The following PSMD7 variants were observed in gnomAD, a reference collection of about 807,000 sequenced individuals.
PSMD7 encodes proteasome 26S subunit, non-ATPase 7.
PSMD7 carries 13 observed loss-of-function variants against 36.4 expected under a neutral mutation model. The ratio of observed to expected loss-of-function variants is 0.36; its 90% CI spans 0.23 to 0.57. The LOEUF is 0.57. Ranked by LOEUF, PSMD7 falls within the 20% of genes least tolerant of loss-of-function variation. PSMD7 has a pLI of 0.83. For synonymous variants in PSMD7, 186 were observed against 151.0 expected (o/e 1.23, Z -1.70); for missense variants, 298 against 393.6 (o/e 0.76, Z 2.06).
rs1396189986 is a variant in PSMD7, at chr16:74,305,652, G to A, written c.894G>A (p.Lys298=). 1 of 1,557,044 alleles carries A rather than the reference G, an allele frequency of 6.4e-7. No homozygotes were observed. Among genetic ancestry groups the A allele is most frequent in the East Asian group, 2.3e-5 (1 of 43,910 alleles). The change falls in exon 7 of 7, where the codon AAG becomes AAA. Residue 298 remains lysine (K), a synonymous_variant. Transcript: ENST00000219313. ...GGCAGGAGAAAGAAGAGAGCAAAAAGGATAGGAAAGAGGACAAGGAGAAAG... is the reference window on the plus strand; with the variant it reads ...GGCAGGAGAAAGAAGAGAGCAAAAAAGATAGGAAAGAGGACAAGGAGAAAG... ...KEGQEKEESK[K]DRKEDKEKDK...
At position 74,301,652 on chromosome 16, in the gene PSMD7, C is replaced by G. The variant is rs756550965; in HGVS notation, c.357C>G (p.Ser119=). The change falls in exon 4 of 7, where the codon TCC becomes TCG. Residue 119 remains serine (S), a splice_region_variant and synonymous_variant. Coordinates refer to ENST00000219313, the MANE Select transcript of PSMD7 (RefSeq NM_002811.5). The stretch of plus-strand genomic sequence containing the variant: ...TCATGAAAAGATACTGTCCTAATTC[C>G]GTAAGTGGTGTCTATTTTTAAAACT... ...NELMKRYCPN[S]VLVIIDVKPK... is the part of the protein sequence containing the mutation. 6.2e-7 allele frequency: 1 copy of G among 1,605,126 alleles called. No individual in the cohort carries two copies. The highest frequency in any genetic ancestry group is 8.5e-7 in the Non-Finnish European group (1 of 1,172,546).
At chr16:74,301,026 AAACT>A (rs745915653) in intron 2 of PSMD7, 22 bp from the exon 3 acceptor site, 26 of 1,517,138 alleles carry the variant, frequency 1.7e-5, no homozygotes, top group Non-Finnish European at 2.2e-5. Flanking sequence ...CAAGCACCCT[AAACT>A]AACTTTTTTT....
Position 74,304,284 on chromosome 16 carries a change from G to T in PSMD7, c.439-19G>T, listed in dbSNP as rs1206436769. 4.4e-6 allele frequency: 7 copies of T among 1,605,114 alleles called. No homozygotes were observed. The highest frequency in any genetic ancestry group is 3.3e-4 in the Middle Eastern group (2 of 6,070). ...CGTTTGTGGAAAATAAATAATTATAGTTAGGCTTCCTCTCCCAGGATGGAA... is the reference window on the plus strand; with the variant it reads ...CGTTTGTGGAAAATAAATAATTATATTTAGGCTTCCTCTCCCAGGATGGAA... On this transcript the variant is annotated intron_variant, in intron 5 of 6. Transcript: ENST00000219313.
intron 3 of PSMD7, 58 bp from the exon 4 acceptor site, chr16:74,301,497 G>C: frequency 1.6e-6 from 2 of 1,261,516 alleles, no homozygotes; most frequent in Admixed American, 3.8e-5. Context: ...TCCTTTTTGA[G>C]GGAGTTGTAT....
In PSMD7 at chr16:74,301,925, G is replaced by T. The variant is rs190845927; in HGVS notation, c.357+273G>T. 1.5e-4 allele frequency among the ~76,000 whole-genome samples: 23 copies of T among 152,248 alleles called. No homozygotes were observed. The East Asian group carries it at 3.5e-3, about 23-fold the overall frequency. On this transcript the variant is annotated intron_variant, in intron 4 of 6. Coordinates refer to ENST00000219313, the MANE Select transcript of PSMD7 (RefSeq NM_002811.5). The stretch of plus-strand genomic sequence containing the variant: ...AATGAGAAAACTGAGGTTCAGAATG[G>T]TTAGGAAGGTCTGGTAAGGGGTGGG...
intron 1 of PSMD7, among the ~76,000 whole-genome samples, chr16:74,298,708 A>G (rs1018280776): frequency 6.6e-6 from 1 of 152,090 alleles, no homozygotes; most frequent in Non-Finnish European, 1.5e-5. Flanking sequence ...ACCAAAAAAA[A>G]AACAAAAAAA....
Position 74,305,542 on chromosome 16 carries a change from T to C in PSMD7, c.784T>C (p.Leu262=). ...CAATGACCAGATGGTGGTAGTGTAC[T>C]TGGCCTCGCTGATCCGTTCCGTGGT... ...KTNDQMVVVY[L]ASLIRSVVAL... is the part of the protein sequence containing the mutation. Residue 262 remains leucine (L), a synonymous_variant, in exon 7 of 7, where the codon TTG becomes CTG. Coordinates refer to ENST00000219313, the MANE Select transcript of PSMD7 (RefSeq NM_002811.5). 2 of 1,614,042 alleles carry C rather than the reference T, an allele frequency of 1.2e-6. No individual in the cohort carries two copies. The highest frequency in any genetic ancestry group is 1.7e-6 in the Non-Finnish European group (2 of 1,179,964).
At chr16:74,301,198 G>T in intron 3 of PSMD7, 54 bp downstream of exon 3, 2 of 1,240,380 alleles carry the variant, frequency 1.6e-6, no homozygotes, top group Non-Finnish European at 2.3e-6. Flanking sequence ...GTGTGTATGG[G>T]GGTCTTCTGT....
chr16:74,305,956 AG>A lies in PSMD7; in HGVS notation c.*224del. 1 of 384,728 alleles carries A rather than the reference AG, an allele frequency of 2.6e-6. No homozygotes were observed. Among genetic ancestry groups the A allele is most frequent in the Non-Finnish European group, 4.5e-6 (1 of 222,294 alleles). The allele number at this position is 384,728 out of a possible 1,614,324, so 23.8% of individuals were successfully genotyped here. A position where few individuals can be genotyped will look rare whatever the true frequency, so the allele number is the denominator to read the frequency against. ...CGCTGCTGTGAGTTGGGGATATGAT[AG>A]TCAGCTCAGGCTTCAGATTGTATGA... On this transcript the variant is annotated 3_prime_UTR_variant, in exon 7 of 7. Coordinates refer to ENST00000219313, the MANE Select transcript of PSMD7 (RefSeq NM_002811.5).
chr16:74,297,900 T>G lies in PSMD7; in HGVS notation c.74+912T>G, dbSNP rs2034126085. 9.9e-5 allele frequency among the ~76,000 whole-genome samples: 15 copies of G among 152,228 alleles called. No homozygotes were observed. The South Asian group carries it at 3.1e-3, about 32-fold the overall frequency. ...TCAGCACCCCGAAGGGCTTCCTGGA[T>G]CAGCTGTGGTTTTAACCCATTAACA... On this transcript the variant is annotated intron_variant, in intron 1 of 6. Coordinates refer to ENST00000219313, the MANE Select transcript of PSMD7 (RefSeq NM_002811.5).
intron 1 of PSMD7, chr16:74,299,614 A>T (rs1482652274): frequency 2.2e-6 from 1 of 453,034 alleles, no homozygotes; most frequent in Admixed American, 2.4e-5. Context: ...TGCTCGTCTC[A>T]AACTCCTGAG....
In PSMD7 at chr16:74,296,994, C is replaced by T. The variant is rs1433991373; in HGVS notation, c.74+6C>T. 6.2e-7 allele frequency: 1 copy of T among 1,610,802 alleles called. No individual in the cohort carries two copies. The highest frequency in any genetic ancestry group is 8.5e-7 in the Non-Finnish European group (1 of 1,179,058). On this transcript the variant is annotated splice_donor_region_variant and intron_variant, in intron 1 of 6. Coordinates refer to ENST00000219313, the MANE Select transcript of PSMD7 (RefSeq NM_002811.5). ...GTGGTGGATCATTTCAACCGGTGAG[C>T]GAGCGCCCTATAGCTGGGCCGGCGG...
At chr16:74,298,583 G>A (rs1022104487) in intron 1 of PSMD7, among the ~76,000 whole-genome samples, 11 of 152,174 alleles carry the variant, frequency 7.2e-5, no homozygotes, top group Non-Finnish European at 1.6e-4. Context: ...TAGCTTTCAG[G>A]CTAGCCTGGT....
chr16:74,302,821 G>C (rs1177434956), intron 5 of PSMD7, among the ~76,000 whole-genome samples: 3 of 152,196 alleles, frequency 2.0e-5, no homozygotes, highest in Non-Finnish European at 4.4e-5. Flanking sequence ...TTTGAATTTA[G>C]ATATGCAGTA....
rs757134508 is a variant in PSMD7, at chr16:74,304,336, G to A, written c.472G>A (p.Val158Met). The change falls in exon 6 of 7, where the codon GTG becomes ATG. Residue 158 changes from valine (V) to methionine (M), a missense_variant. Val to Met is a conservative substitution (Grantham distance 21). Transcript: ENST00000219313. ...TCCAACCTCGAAAACATTTGAACAC[G>A]TGACCAGTGAAATTGGAGCAGAGGA... The part of the protein sequence containing the change: ...GTPTSKTFEH[V>M]TSEIGAEEAE... 1.3e-5 allele frequency: 21 copies of A among 1,614,004 alleles called. No individual in the cohort carries two copies. Among genetic ancestry groups the A allele is most frequent in the African/African-American group, 6.7e-5 (5 of 74,926 alleles).
chr16:74,301,130 TTAAG>T lies in PSMD7; in HGVS notation c.246_249del (p.Phe82LeufsTer9). On this transcript the variant is annotated frameshift_variant, in exon 3 of 7. Transcript: ENST00000219313. LOFTEE classifies it high-confidence loss of function. ...TATTTGGAAAACATGTATGGAATGT[TTAAG>T]AAAGTCAATGGTATGTCTTGATGTT... The T allele has an allele frequency of 6.2e-7, 1 of 1,608,208 alleles. No homozygotes were observed. Among genetic ancestry groups the T allele is most frequent in the Non-Finnish European group, 8.5e-7 (1 of 1,175,428 alleles).
rs549791414 is a variant in PSMD7, at chr16:74,296,862, G to A, written c.-53G>A. 220 of 1,592,122 alleles carry A rather than the reference G, an allele frequency of 1.4e-4. 4 individuals carry two copies. In the South Asian group the frequency reaches 2.4e-3, roughly 17 times the overall value. ...AAGGGTACCGGTGACCGCTACTGCT[G>A]CCGGTGTTTGCGTGTGGCAGGGAGC... is the stretch of plus-strand genomic sequence containing the variant. On this transcript the variant is annotated 5_prime_UTR_variant, in exon 1 of 7. Coordinates refer to ENST00000219313, the MANE Select transcript of PSMD7 (RefSeq NM_002811.5).
At chr16:74,298,156 C>CAAAAAAAAA (rs75614540) in intron 1 of PSMD7, among the ~76,000 whole-genome samples, 1 of 72,754 alleles carries the variant, frequency 1.4e-5, no homozygotes. Context: ...ACCCTGTCTC[C>CAAAAAAAAA]AAAAAAAAAA....
At chr16:74,301,772 C>G (rs1160005934) in intron 4 of PSMD7, 120 bp downstream of exon 4, 13 of 762,374 alleles carry the variant, frequency 1.7e-5, no homozygotes, top group African/African-American at 3.5e-5. Context: ...CCATAAACTT[C>G]TGTTGATTTG....
Sources: allele counts gnomAD v4.1 joint callset (sites outside exome capture counted in the v4.1 genomes callset), GRCh38; gene constraint gnomAD v4.1.1; transcripts MANE v1.5; gene names NCBI Gene and HGNC (gene_info 2026-07-23, HGNC 2026-07-21).